SAMD4A: variants seen among roughly 807,000 people sequenced by gnomAD.
SAMD4A encodes the protein protein Smaug homolog 1.
SAMD4A carries 33 observed loss-of-function variants against 81.3 expected under a neutral mutation model. That is an observed-to-expected ratio of 0.41 (90% CI 0.31 to 0.54). The LOEUF (loss-of-function observed/expected upper bound fraction) is 0.54. Ranked by LOEUF, SAMD4A falls within the 20% of genes least tolerant of loss-of-function variation. SAMD4A has a pLI of 0.37. For missense variants in SAMD4A, 854 were observed against 951.1 expected, an observed-to-expected ratio of 0.90 and a Z score of 1.34; for synonymous variants, 389 against 382.1, an observed-to-expected ratio of 1.02 and a Z score of -0.21.
chr14:54,617,314 A>G (rs1241802621), intron 2 of SAMD4A, among the ~76,000 whole-genome samples: 1 of 152,252 alleles, frequency 6.6e-6, no homozygotes, highest in Non-Finnish European at 1.5e-5. Context: ...ATAACTGTGC[A>G]TTAAAACATA....
chr14:54,643,122 A>G (rs1022523014), intron 2 of SAMD4A, among the ~76,000 whole-genome samples: 8 of 152,270 alleles, frequency 5.3e-5, no homozygotes, highest in Admixed American at 2.0e-4. Context: ...CTTTAAGACA[A>G]CAGGCAAGGG....
chr14:54,768,372 C>T (rs1170062451), intron 8 of SAMD4A, among the ~76,000 whole-genome samples: 2 of 152,202 alleles, frequency 1.3e-5, no homozygotes, highest in African/African-American at 4.8e-5. Context: ...TTATTTCATT[C>T]TCACAACATC....
At chr14:54,655,367 G>A (rs183099467) in intron 2 of SAMD4A, among the ~76,000 whole-genome samples, 304 of 152,226 alleles carry the variant, frequency 2.0e-3, no homozygotes, top group African/African-American at 6.9e-3. Flanking sequence ...TCAAGTTAAG[G>A]AAGAGCCCAT....
chr14:54,644,087 G>A (rs959040711), intron 2 of SAMD4A, among the ~76,000 whole-genome samples: 9 of 152,162 alleles, frequency 5.9e-5, no homozygotes, highest in Admixed American at 6.5e-5. Flanking sequence ...CTTGACTACC[G>A]GCTGTGATTC....
intron 2 of SAMD4A, among the ~76,000 whole-genome samples, chr14:54,677,617 A>T (rs1031896008): frequency 6.6e-6 from 1 of 152,214 alleles, no homozygotes; most frequent in Non-Finnish European, 1.5e-5. Flanking sequence ...TAATGAAACA[A>T]AGCAAAAGTC....
At chr14:54,756,351 C>A (rs900659243) in intron 6 of SAMD4A, among the ~76,000 whole-genome samples, 2 of 152,108 alleles carry the variant, frequency 1.3e-5, no homozygotes, top group Non-Finnish European at 2.9e-5. Flanking sequence ...CACCCTGAGC[C>A]CTGCTCGGCC....
chr14:54,788,755 TATC>T (rs1238089496), intron 12 of SAMD4A, among the ~76,000 whole-genome samples, 158 bp from the exon 13 acceptor site: 1 of 152,226 alleles, frequency 6.6e-6, no homozygotes, highest in Non-Finnish European at 1.5e-5. Flanking sequence ...GTTCCCCAGA[TATC>T]ATGTGGGTGG....
intron 3 of SAMD4A, among the ~76,000 whole-genome samples, chr14:54,724,915 G>A (rs2037374872): frequency 6.6e-6 from 1 of 152,134 alleles, no homozygotes; most frequent in Non-Finnish European, 1.5e-5. Context: ...AATGAGCTGG[G>A]GTGTGAGAGA....
chr14:54,669,975 G>C (rs901282846), intron 2 of SAMD4A, among the ~76,000 whole-genome samples: 2 of 152,130 alleles, frequency 1.3e-5, no homozygotes, highest in Non-Finnish European at 2.9e-5. Context: ...TGCTTTTCCT[G>C]TGTAAAGAAA....
Position 54,792,056 on chromosome 14 carries a change from G to A in SAMD4A, c.*3112G>A, listed in dbSNP as rs771911180. Reference sequence around the variant, plus strand: ...ATATTATCATGTATGATGTTTTATTGGTGCTTTTTATTCATAGTGGCTTCT... The same window carrying A: ...ATATTATCATGTATGATGTTTTATTAGTGCTTTTTATTCATAGTGGCTTCT... On this transcript the variant is annotated 3_prime_UTR_variant, in exon 13 of 13. Transcript: ENST00000554335. 3.9e-5 allele frequency: 6 copies of A among 152,072 alleles called. No homozygotes were observed. The highest frequency in any genetic ancestry group is 8.8e-5 in the Non-Finnish European group (6 of 68,002). The allele number at this position is 152,072 out of a possible 1,614,324, so 9.4% of individuals were successfully genotyped here. A position where few individuals can be genotyped will look rare whatever the true frequency, so the allele number is the denominator to read the frequency against.
upstream of SAMD4A, among the ~76,000 whole-genome samples, chr14:54,566,326 C>T (rs1341774341): frequency 6.6e-6 from 1 of 151,722 alleles, no homozygotes; most frequent in Non-Finnish European, 1.5e-5. Context: ...CGCTCCCTCC[C>T]TACGGCCCTC....
At chr14:54,698,456 C>A (rs2036628972) in intron 2 of SAMD4A, among the ~76,000 whole-genome samples, 1 of 152,198 alleles carries the variant, frequency 6.6e-6, no homozygotes, top group Admixed American at 6.5e-5. Context: ...GGGCTGGGGG[C>A]AAGTAACTTG....
chr14:54,767,296 G>A (rs1466386749), intron 8 of SAMD4A, among the ~76,000 whole-genome samples: 4 of 152,260 alleles, frequency 2.6e-5, no homozygotes, highest in African/African-American at 4.8e-5. Flanking sequence ...TTCATAGCCC[G>A]GACACGCTGT....
At chr14:54,618,090 G>GT (rs748360116) in intron 2 of SAMD4A, among the ~76,000 whole-genome samples, 3 of 152,312 alleles carry the variant, frequency 2.0e-5, no homozygotes, top group Admixed American at 6.5e-5. Flanking sequence ...GACAAACTTT[G>GT]TAAGAATAAA....
At chr14:54,656,350 C>G (rs926569328) in intron 2 of SAMD4A, among the ~76,000 whole-genome samples, 3 of 152,214 alleles carry the variant, frequency 2.0e-5, no homozygotes, top group African/African-American at 7.2e-5. Context: ...AAAGGCTTCT[C>G]TCTCCATGTC....
intron 2 of SAMD4A, among the ~76,000 whole-genome samples, chr14:54,670,805 T>C (rs1477853097): frequency 6.6e-6 from 1 of 152,158 alleles, no homozygotes; most frequent in Non-Finnish European, 1.5e-5. Context: ...AGACATAGCT[T>C]TGACCTTCAA....
At chr14:54,673,015 T>C (rs932015354) in intron 2 of SAMD4A, among the ~76,000 whole-genome samples, 11 of 152,224 alleles carry the variant, frequency 7.2e-5, no homozygotes, top group Non-Finnish European at 1.5e-4. Context: ...GGACCCTTTC[T>C]CGAAGGTTAC....
intron 5 of SAMD4A, among the ~76,000 whole-genome samples, 187 bp downstream of exon 5, chr14:54,749,111 C>T (rs997761486): frequency 6.6e-6 from 1 of 152,008 alleles, no homozygotes; most frequent in African/African-American, 2.4e-5. Flanking sequence ...CTTCAGGGTC[C>T]AATAGGAGAT....
intron 3 of SAMD4A, among the ~76,000 whole-genome samples, chr14:54,734,387 G>C (rs2037637419): frequency 6.6e-6 from 1 of 152,244 alleles, no homozygotes; most frequent in Non-Finnish European, 1.5e-5. Flanking sequence ...GGTGGCAGCA[G>C]TGGGAACCAA....
Sources: gnomAD v4.1 joint callset for allele counts (sites outside exome capture counted in the v4.1 genomes callset) on GRCh38, gnomAD v4.1.1 for gene constraint, MANE v1.5 for transcripts, NCBI Gene and HGNC (gene_info 2026-07-23, HGNC 2026-07-21) for gene names.